The following DMD variants were observed in gnomAD, a reference collection of about 807,000 sequenced individuals.
DMD encodes mutant dystrophin.
Under a neutral mutation model 330.1 loss-of-function variants are expected in DMD, and 63 were observed. The observed-to-expected ratio is 0.19, with a 90% confidence interval of 0.16 to 0.24. The LOEUF (loss-of-function observed/expected upper bound fraction) is 0.24. DMD is among the 10% of genes least tolerant of loss of function. DMD has a pLI of 1.00. For missense variants in DMD, 3,344 were observed against 2,684.1 expected, an observed-to-expected ratio of 1.25 and a Z score of -5.43; for synonymous variants, 1,223 against 959.8, an observed-to-expected ratio of 1.27 and a Z score of -5.07.
chrX:31,647,345 G>A (rs2080166683), intron 54 of DMD, among the ~76,000 whole-genome samples: 1 of 111,781 alleles, frequency 8.9e-6, no homozygotes, highest in South Asian at 3.7e-4. Context: ...TTAAGCAGAG[G>A]TCAAAAGCTA....
chrX:32,570,296 G>T (rs2149118427), intron 15 of DMD, among the ~76,000 whole-genome samples: 1 of 111,965 alleles, frequency 8.9e-6, no homozygotes, highest in South Asian at 3.7e-4. Context: ...CTTATTCACT[G>T]CCTGAGTCAG....
chrX:32,242,981 G>A (rs2097215083), intron 43 of DMD, among the ~76,000 whole-genome samples: 1 of 105,608 alleles, frequency 9.5e-6, no homozygotes, highest in Non-Finnish European at 1.9e-5. Context: ...AAAGGAAGAA[G>A]GAAGGAAGGA....
intron 9 of DMD, among the ~76,000 whole-genome samples, chrX:32,684,235 ACACACATATATATG>A (rs2147367438): frequency 9.0e-6 from 1 of 111,346 alleles, no homozygotes; most frequent in South Asian, 3.7e-4. Flanking sequence ...ATACCCACAC[ACACACATATATATG>A]CACACGTAAC....
chrX:33,261,577 G>C lies in DMD; in HGVS notation c.7+77682C>G, dbSNP rs754987956. On this transcript the variant is annotated intron_variant, in intron 1 of 17. Coordinates refer to the DMD transcript ENST00000288447. ...GTCTTAAAAATTTTGCTGACCTGCT[G>C]CCTGAGAGCCTATTATGTTAGGAAT... 4.6e-5 allele frequency among the ~76,000 whole-genome samples: 5 copies of C among 107,769 alleles called. No individual in the cohort carries two copies. The South Asian group carries it at 2.1e-3, about 44-fold the overall frequency. 93.6% of individuals were successfully genotyped at this position (107,769 alleles called of 115,157 possible).
chrX:32,351,224 T>A (rs1488064706), intron 37 of DMD, among the ~76,000 whole-genome samples: 2 of 110,921 alleles, frequency 1.8e-5, no homozygotes, highest in African/African-American at 3.3e-5. Context: ...CCTCTCAAAA[T>A]CCTAATCATC....
At chrX:31,931,833 G>T (rs184013894) in intron 46 of DMD, among the ~76,000 whole-genome samples, 2 of 110,681 alleles carry the variant, frequency 1.8e-5, no homozygotes, top group African/African-American at 6.6e-5. Flanking sequence ...ACATCTATAT[G>T]TGTAGATGTA....
intron 11 of DMD, among the ~76,000 whole-genome samples, chrX:32,632,750 G>A (rs2058825163): frequency 9.1e-6 from 1 of 109,826 alleles, no homozygotes; most frequent in African/African-American, 3.3e-5. Context: ...AGGGGTTGGG[G>A]CGGGGGCACA....
chrX:32,653,210 G>A (rs1216316110), intron 9 of DMD, among the ~76,000 whole-genome samples: 1 of 112,059 alleles, frequency 8.9e-6, no homozygotes, highest in African/African-American at 3.2e-5. Context: ...TGCTTTTGGT[G>A]TTTTGGACAT....
At chrX:32,564,214 T>C (rs1458284783) in intron 16 of DMD, among the ~76,000 whole-genome samples, 1 of 112,050 alleles carries the variant, frequency 8.9e-6, no homozygotes, top group East Asian at 2.8e-4. Context: ...TGAGAACCAC[T>C]CCATGCAATG....
intron 2 of DMD, among the ~76,000 whole-genome samples, chrX:33,002,354 G>A (rs1248405644): frequency 2.7e-5 from 3 of 110,984 alleles, no homozygotes; most frequent in South Asian, 3.8e-4. Flanking sequence ...GTGTGAGAGC[G>A]GGCTGAGCAG....
At chrX:31,590,678 T>TA (rs2076826835) in intron 55 of DMD, among the ~76,000 whole-genome samples, 1 of 111,696 alleles carries the variant, frequency 9.0e-6, no homozygotes, top group Non-Finnish European at 1.9e-5. Flanking sequence ...TCAGGGGTGA[T>TA]AAATGACTAC....
chrX:32,082,391 GCTATCTATCTATCTATCTAT>G (rs74475298), intron 44 of DMD, among the ~76,000 whole-genome samples: 1 of 95,299 alleles, frequency 1.0e-5, no homozygotes, highest in Admixed American at 1.2e-4. Context: ...ACCTCGCCCG[GCTATCTATCTATCTATCTAT>G]CTATCTATCT....
chrX:31,809,847 T>A (rs1459310022), intron 50 of DMD, among the ~76,000 whole-genome samples: 1 of 110,658 alleles, frequency 9.0e-6, no homozygotes, highest in Non-Finnish European at 1.9e-5. Context: ...TATATATATA[T>A]ATCTGTCAGC....
At chrX:33,037,938 C>T (rs7890645) in intron 1 of DMD, among the ~76,000 whole-genome samples, 6,698 of 111,612 alleles carry the variant, frequency 0.06, 481 homozygotes, top group African/African-American at 0.2. Context: ...TCATTACATT[C>T]GAAAGATGAC....
rs766668051 is a variant in DMD at position 32,411,779 on chromosome X, G to T, written c.4206C>A (p.Asp1402Glu). ...QLAAYIADKV[D>E]AAQMPQEAQK... ...GGGCTTCCTGAGGCATTTGAGCTGC[G>T]TCCACCTTGTCTGCAATATAAGCTG... Residue 1402 changes from aspartate (D) to glutamate (E), a missense_variant, in exon 30 of 79, where the codon GAC becomes GAA. Coordinates refer to ENST00000357033, the MANE Select transcript of DMD (RefSeq NM_004006.3). 8 of 1,209,216 alleles carry T rather than the reference G, an allele frequency of 6.6e-6. No individual in the cohort carries two copies. The South Asian group carries it at 1.4e-4, about 21-fold the overall frequency.
chrX:31,736,329 C>T (rs1316496727), intron 51 of DMD, among the ~76,000 whole-genome samples: 1 of 111,433 alleles, frequency 9.0e-6, no homozygotes, highest in East Asian at 2.8e-4. Flanking sequence ...ACTGTCATCA[C>T]TATCAATGGT....
At chrX:32,305,586 T>A (rs2097537535) in intron 42 of DMD, among the ~76,000 whole-genome samples, 1 of 111,508 alleles carries the variant, frequency 9.0e-6, no homozygotes, top group Admixed American at 9.6e-5. Flanking sequence ...CATCTCTTTT[T>A]CAACTCTTGT....
At position 33,249,066 on chromosome X, in the gene DMD, A is replaced by G. The variant is rs766416617; in HGVS notation, c.7+90193T>C. On this transcript the variant is annotated intron_variant, in intron 1 of 17. Coordinates refer to the DMD transcript ENST00000288447. ...AATCTTGTTATTGACAGAAATTTGT[A>G]TGTATAGAAAGCTGTATGAAAATAA... is the stretch of plus-strand genomic sequence containing the variant. Among the ~76,000 whole-genome samples the G allele has an allele frequency of 3.5e-5, 4 of 112,995 alleles. No individual in the cohort carries two copies. The East Asian group carries it at 1.1e-3, about 31-fold the overall frequency.
intron 1 of DMD, among the ~76,000 whole-genome samples, chrX:33,331,637 G>C (rs1220561348): frequency 4.5e-5 from 5 of 111,312 alleles, no homozygotes; most frequent in Non-Finnish European, 1.9e-5. Context: ...CTGGAAATTT[G>C]ATAAGCACCA....
Sources: gnomAD v4.1 joint callset for allele counts (sites outside exome capture counted in the v4.1 genomes callset) on GRCh38, gnomAD v4.1.1 for gene constraint, MANE v1.5 for transcripts, NCBI Gene and HGNC (gene_info 2026-07-23, HGNC 2026-07-21) for gene names.